GRM7: variants seen among roughly 807,000 people sequenced by gnomAD.
GRM7 encodes glutamate metabotropic receptor 7.
GRM7 carries 35 observed loss-of-function variants against 84.5 expected under a neutral mutation model. The ratio of observed to expected loss-of-function variants is 0.41; its 90% CI spans 0.32 to 0.55. GRM7 has a LOEUF of 0.55. GRM7 is among the 20% of genes least tolerant of loss of function. The pLI is 0.19. For missense variants in GRM7, 1,003 were observed against 1,194.6 expected (o/e 0.84, Z 2.36); for synonymous variants, 487 against 455.1 (o/e 1.07, Z -0.89).
intron 4 of GRM7, among the ~76,000 whole-genome samples, chr3:7,397,412 C>G (rs903563239): frequency 6.6e-6 from 1 of 151,870 alleles, no homozygotes; most frequent in Non-Finnish European, 1.5e-5. Context: ...AAAAGGGTAG[C>G]GGGGAGGCAG....
At chr3:7,212,802 A>G (rs1303379707) in intron 2 of GRM7, among the ~76,000 whole-genome samples, 1 of 152,220 alleles carries the variant, frequency 6.6e-6, no homozygotes, top group Non-Finnish European at 1.5e-5. Context: ...TTTATTGTTC[A>G]ACAATTCAAC....
In GRM7 at chr3:6,861,473, G is replaced by A. The variant is rs200656326; in HGVS notation, c.85G>A (p.Ala29Thr). ...GCTGGAGGTGCTCCTGTGCGCGCTGGCGGCGGCGGCGCGCGGCCAGGAGAT... is the reference window on the plus strand; with the variant it reads ...GCTGGAGGTGCTCCTGTGCGCGCTGACGGCGGCGGCGCGCGGCCAGGAGAT... Reference protein sequence around the residue: ...CVLEVLLCALAAAARGQEMYA... With the variant: ...CVLEVLLCALTAAARGQEMYA... Residue 29 changes from alanine (A) to threonine (T), a missense_variant, in exon 1 of 10, where the codon GCG (alanine) becomes ACG (threonine). Transcript: ENST00000357716. The surrounding 1 kb of genome is among the most constrained non-coding windows in gnomAD (Gnocchi z 6.4). 72 of 1,583,040 alleles carry A rather than the reference G, an allele frequency of 4.5e-5. No homozygotes were observed. The African/African-American group carries it at 7.7e-4, about 17-fold the overall frequency.
chr3:7,565,452 A>G (rs1223956225), intron 7 of GRM7, among the ~76,000 whole-genome samples: 1 of 152,214 alleles, frequency 6.6e-6, no homozygotes, highest in Non-Finnish European at 1.5e-5. Context: ...ATCTTTATGA[A>G]TAAAACAATG....
At chr3:7,269,517 G>C (rs568446646) in intron 2 of GRM7, among the ~76,000 whole-genome samples, 5 of 152,226 alleles carry the variant, frequency 3.3e-5, no homozygotes, top group Admixed American at 3.3e-4. Flanking sequence ...AGCTCCCCTG[G>C]TGATTCTAAT....
chr3:7,428,032 A>G (rs2124842339), intron 5 of GRM7, among the ~76,000 whole-genome samples: 1 of 152,324 alleles, frequency 6.6e-6, no homozygotes, highest in African/African-American at 2.4e-5. Context: ...TTTAGGACCC[A>G]GCACCAGCCA....
chr3:6,959,285 A>G (rs1243393975), intron 1 of GRM7, among the ~76,000 whole-genome samples: 1 of 152,204 alleles, frequency 6.6e-6, no homozygotes, highest in Non-Finnish European at 1.5e-5. Context: ...TACTCTAAGT[A>G]ATCAAGAAAA....
intron 4 of GRM7, among the ~76,000 whole-genome samples, chr3:7,309,682 A>G (rs1700323007): frequency 6.6e-6 from 1 of 152,154 alleles, no homozygotes; most frequent in Non-Finnish European, 1.5e-5. Context: ...TGGCAGATTT[A>G]TTGCCTCTTT....
At chr3:7,200,954 A>G (rs1011621007) in intron 2 of GRM7, among the ~76,000 whole-genome samples, 1 of 147,182 alleles carries the variant, frequency 6.8e-6, no homozygotes, top group African/African-American at 2.6e-5. Context: ...CTTGGGGGAA[A>G]CATTTCAGAA....
intron 1 of GRM7, among the ~76,000 whole-genome samples, chr3:7,128,910 A>G (rs781274831): frequency 2.0e-5 from 3 of 152,142 alleles, no homozygotes; most frequent in Non-Finnish European, 2.9e-5. Flanking sequence ...TCAATAAACT[A>G]TCATAAAGTT....
chr3:7,326,437 G>T (rs1700991059), intron 4 of GRM7, among the ~76,000 whole-genome samples: 1 of 152,058 alleles, frequency 6.6e-6, no homozygotes, highest in South Asian at 2.1e-4. Context: ...AGTTAAAAGT[G>T]TTCTCAGGTG....
chr3:7,371,895 G>A (rs2125118624), intron 4 of GRM7, among the ~76,000 whole-genome samples: 1 of 152,254 alleles, frequency 6.6e-6, no homozygotes, highest in South Asian at 2.1e-4. Flanking sequence ...TGGGCGTGGT[G>A]GGTGTAGACC....
At chr3:7,673,359 C>T (rs75950013) in intron 8 of GRM7, among the ~76,000 whole-genome samples, 2,351 of 152,220 alleles carry the variant, frequency 0.015, 68 homozygotes, top group African/African-American at 0.054. Context: ...GCATACTCTG[C>T]AGCAGACATC....
At chr3:7,471,439 C>A (rs1410874770) in intron 7 of GRM7, among the ~76,000 whole-genome samples, 1 of 152,186 alleles carries the variant, frequency 6.6e-6, no homozygotes, top group African/African-American at 2.4e-5. Flanking sequence ...CCCTGTTTCT[C>A]TGCTGACAGT....
intron 9 of GRM7, among the ~76,000 whole-genome samples, chr3:7,735,543 A>T (rs1359317559): frequency 2.0e-5 from 3 of 152,200 alleles, no homozygotes; most frequent in African/African-American, 7.2e-5. Context: ...TAATGCTCAG[A>T]ATATAGCCCA....
chr3:7,654,181 A>G (rs1165565745), intron 8 of GRM7, among the ~76,000 whole-genome samples: 1 of 152,198 alleles, frequency 6.6e-6, no homozygotes, highest in Non-Finnish European at 1.5e-5. Context: ...AACAGCTTTG[A>G]AAAAGACCTT....
intron 4 of GRM7, among the ~76,000 whole-genome samples, chr3:7,397,433 G>C (rs1695256874): frequency 6.6e-6 from 1 of 152,080 alleles, no homozygotes; most frequent in Non-Finnish European, 1.5e-5. Flanking sequence ...AGATGAAGTA[G>C]GGATAATTAA....
intron 5 of GRM7, among the ~76,000 whole-genome samples, chr3:7,419,178 G>GCA (rs1696294620): frequency 6.6e-6 from 1 of 152,114 alleles, no homozygotes; most frequent in African/African-American, 2.4e-5. Context: ...TTACTGGGGT[G>GCA]CACACTATAT....
At chr3:7,570,833 G>T (rs1694618351) in intron 7 of GRM7, among the ~76,000 whole-genome samples, 1 of 152,188 alleles carries the variant, frequency 6.6e-6, no homozygotes, top group South Asian at 2.1e-4. Flanking sequence ...GCCCTGCCCT[G>T]CAGCAAACTT....
intron 7 of GRM7, among the ~76,000 whole-genome samples, chr3:7,511,005 C>T (rs576540022): frequency 3.3e-5 from 5 of 152,082 alleles, no homozygotes; most frequent in Non-Finnish European, 7.4e-5. Flanking sequence ...GGCAACAAGA[C>T]CTTAGGGTGG....
Sources: allele counts gnomAD v4.1 joint callset (sites outside exome capture counted in the v4.1 genomes callset), GRCh38; gene constraint gnomAD v4.1.1; non-coding constraint Gnocchi (gnomAD v3.1); transcripts MANE v1.5; gene names NCBI Gene and HGNC (gene_info 2026-07-23, HGNC 2026-07-21).